Variants in KIF5A observed in about 807,000 individuals in gnomAD.
The protein encoded by KIF5A is kinesin heavy chain isoform 5A.
In KIF5A, 35 loss-of-function variants were observed where a neutral mutation model predicts 141.3. That is an observed-to-expected ratio of 0.25 (90% CI 0.19 to 0.33). KIF5A has a LOEUF of 0.33. Ranked by LOEUF, KIF5A falls within the 10% of genes least tolerant of loss-of-function variation. The pLI is 1.00. For missense variants in KIF5A, 861 were observed against 1,314.3 expected, an observed-to-expected ratio of 0.66 and a Z score of 5.33; for synonymous variants, 448 against 500.2, an observed-to-expected ratio of 0.90 and a Z score of 1.39.
rs756733312 is a variant in KIF5A, at chr12:57,572,871, G to A, written c.1716+145G>A. 32 of 1,016,994 alleles carry A rather than the reference G, an allele frequency of 3.1e-5. No individual in the cohort carries two copies. In the East Asian group the frequency reaches 7.6e-4, roughly 24 times the overall value. The allele number at this position is 1,016,994 out of a possible 1,614,324, so 63.0% of individuals were successfully genotyped here. On this transcript the variant is annotated intron_variant, in intron 15 of 28. Transcript: ENST00000455537. The surrounding 1 kb of genome is among the most constrained non-coding windows in gnomAD (Gnocchi z 4.2). ...TGAACTAGACCCAGGAAGACAGGTAGAGGCTTGTATAGACCCAATTGAAAA... is the reference window on the plus strand; with the variant it reads ...TGAACTAGACCCAGGAAGACAGGTAAAGGCTTGTATAGACCCAATTGAAAA...
At chr12:57,567,305 A>G in intron 7 of KIF5A, 92 bp downstream of exon 7, 1 of 1,279,374 alleles carries the variant, frequency 7.8e-7, no homozygotes, top group South Asian at 1.2e-5. Flanking sequence ...TGAGCAAGGA[A>G]ACTGTACCCC....
chr12:57,578,344 T>A lies in KIF5A; in HGVS notation c.2538+2T>A. On this transcript the variant is annotated splice_donor_variant, in intron 23 of 28. Coordinates refer to ENST00000455537, the MANE Select transcript of KIF5A (RefSeq NM_004984.4). LOFTEE classifies it high-confidence loss of function. The stretch of plus-strand genomic sequence containing the variant: ...CAGCTTACAAAGGTTCACAAACAGG[T>A]AAGAGTCTGCTGAAGGAGTGAAGAG... The A allele has an allele frequency of 6.2e-7, 1 of 1,605,704 alleles. No individual in the cohort carries two copies.
chr12:57,564,031 G>C, intron 3 of KIF5A, 77 bp from the exon 4 acceptor site: 1 of 999,456 alleles, frequency 1.0e-6, no homozygotes, highest in Non-Finnish European at 1.6e-6. Flanking sequence ...TCTTGCCTTG[G>C]TGTTCACCTG....
At position 57,578,098 on chromosome 12, in the gene KIF5A, G is replaced by A. The variant is rs1594924065; in HGVS notation, c.2433+18G>A. The stretch of plus-strand genomic sequence containing the variant: ...TCAAGAAAGTGAGTGCTGTCCTTGG[G>A]GTTTTGTCAGCCCCCACATCCTCCT... On this transcript the variant is annotated intron_variant, in intron 22 of 28. Coordinates refer to ENST00000455537, the MANE Select transcript of KIF5A (RefSeq NM_004984.4). The A allele has an allele frequency of 1.2e-6, 2 of 1,609,120 alleles. No individual in the cohort carries two copies. Among genetic ancestry groups the A allele is most frequent in the African/African-American group, 1.3e-5 (1 of 74,908 alleles).
Position 57,572,311 on chromosome 12 carries a change from C to T in KIF5A, c.1569+44C>T, listed in dbSNP as rs775440202. On this transcript the variant is annotated intron_variant, in intron 14 of 28. Transcript: ENST00000455537. The surrounding 1 kb of genome is among the most constrained non-coding windows in gnomAD (Gnocchi z 4.2). ...GTCCAACAGCTCCCTGACCACAGAA[C>T]ATCTCCCATGTCGAGGGGACCTCTG... is the stretch of plus-strand genomic sequence containing the variant. 11 of 1,541,180 alleles carry T rather than the reference C, an allele frequency of 7.1e-6. No homozygotes were observed. In the South Asian group the frequency reaches 1.3e-4, roughly 18 times the overall value.
intron 17 of KIF5A, 52 bp downstream of exon 17, chr12:57,575,809 A>G (rs1882406296): frequency 1.6e-6 from 2 of 1,282,996 alleles, no homozygotes; most frequent in African/African-American, 1.5e-5. Context: ...AAAGTCAGAA[A>G]CATCAAAATA....
Position 57,586,125 on chromosome 12 carries a change from G to A in KIF5A, c.*1944G>A, listed in dbSNP as rs1361803212. On this transcript the variant is annotated 3_prime_UTR_variant, in exon 29 of 29. Transcript: ENST00000455537. The stretch of plus-strand genomic sequence containing the variant: ...CTCATGGAAAAGAGGGCAACGGTGG[G>A]GTAGACAAGCCATGCTGTCTCCAGA... The A allele has an allele frequency of 6.6e-6, 1 of 152,028 alleles. No homozygotes were observed. The highest frequency in any genetic ancestry group is 6.6e-5 in the Admixed American group (1 of 15,266). 9.4% of individuals were successfully genotyped at this position (152,028 alleles called of 1,614,324 possible).
In KIF5A at chr12:57,566,868, C is replaced by T. The variant is rs141016935; in HGVS notation, c.502-258C>T. 0.018 allele frequency among the ~76,000 whole-genome samples: 2,658 copies of T among 151,614 alleles called. 38 individuals are homozygous for T. Among genetic ancestry groups the T allele is most frequent in the Admixed American group, 0.028 (427 of 15,256 alleles). ...CAGCCTGACCAACATGGTGAAACCC[C>T]GTCTCTACTAAAAATACAAAAATTA... On this transcript the variant is annotated intron_variant, in intron 6 of 28. Transcript: ENST00000455537.
rs1165299339 is a variant in KIF5A at position 57,550,586 on chromosome 12, G to A, written c.129+186G>A. ...CTGGGTGTGGCCTGGCCAGGCCAGCGGCCGAGTCTCTGCAGAGTGGCAGGG... is the reference window on the plus strand; with the variant it reads ...CTGGGTGTGGCCTGGCCAGGCCAGCAGCCGAGTCTCTGCAGAGTGGCAGGG... On this transcript the variant is annotated intron_variant, in intron 1 of 28. Transcript: ENST00000455537. The surrounding 1 kb of genome is among the most constrained non-coding windows in gnomAD (Gnocchi z 4.6). 6.6e-6 allele frequency among the ~76,000 whole-genome samples: 1 copy of A among 152,162 alleles called. No homozygotes were observed. Among genetic ancestry groups the A allele is most frequent in the African/African-American group, 2.4e-5 (1 of 41,432 alleles).
Position 57,559,207 on chromosome 12 carries a change from C to A in KIF5A, c.130-4232C>A, listed in dbSNP as rs117022050. On this transcript the variant is annotated intron_variant, in intron 1 of 28. Transcript: ENST00000455537. ...TGTATAAATATTTTTTGCATATGTG[C>A]AGTATGTCTACAGGATAAATTTTTC... Among the ~76,000 whole-genome samples the A allele has an allele frequency of 5.8e-3, 889 of 152,246 alleles. 4 individuals carry two copies. The highest frequency in any genetic ancestry group is 0.011 in the Admixed American group (171 of 15,280).
chr12:57,579,697 C>T (rs535586175), intron 23 of KIF5A, among the ~76,000 whole-genome samples: 4 of 152,230 alleles, frequency 2.6e-5, no homozygotes, highest in East Asian at 1.9e-4. Context: ...TTTTCATTCC[C>T]GCATTCACTT....
chr12:57,581,067 G>A lies in KIF5A; in HGVS notation c.2650G>A (p.Glu884Lys). Residue 884 changes from glutamate to lysine, a missense_variant, in exon 24 of 29, where the codon GAG becomes AAG. By Grantham distance (56) the Glu-to-Lys change is moderately conservative. Transcript: ENST00000455537. ...ALEGALKEAK[E>K]GAMKDKRRYQ... is the part of the protein sequence containing the mutation. ...GGAGGGTGCACTGAAGGAGGCCAAG[G>A]AGGGCGCCATGAAGGACAAGCGCCG... The A allele has an allele frequency of 6.2e-7, 1 of 1,614,124 alleles. No individual in the cohort carries two copies. Among genetic ancestry groups the A allele is most frequent in the Admixed American group, 1.7e-5 (1 of 60,010 alleles).
chr12:57,563,711 G>A lies in KIF5A; in HGVS notation c.291+18G>A. ...CCATGGAGGTGAGGGTTCTGGCTTTGGTGGTTGAGGGGCTAGGAGTGTTAA... is the reference window on the plus strand; with the variant it reads ...CCATGGAGGTGAGGGTTCTGGCTTTAGTGGTTGAGGGGCTAGGAGTGTTAA... On this transcript the variant is annotated intron_variant, in intron 3 of 28. Transcript: ENST00000455537. 1 of 1,603,778 alleles carries A rather than the reference G, an allele frequency of 6.2e-7. No individual in the cohort carries two copies. The highest frequency in any genetic ancestry group is 8.5e-7 in the Non-Finnish European group (1 of 1,170,610).
intron 17 of KIF5A, 56 bp downstream of exon 17, chr12:57,575,813 C>A: frequency 8.3e-7 from 1 of 1,212,000 alleles, no homozygotes; most frequent in Non-Finnish European, 1.2e-6. Context: ...TCAGAAACAT[C>A]AAAATAAATC....
rs1457728758 is a variant in KIF5A at position 57,577,771 on chromosome 12, G to A, written c.2359G>A (p.Val787Ile). ...KQDLKGLEET[V>I]ARELQTLHNL... ...GGACCTCAAGGGTCTGGAGGAGACAGTTGTGAGTGGTTCCCTTCTGTGCCA... is the reference window on the plus strand; with the variant it reads ...GGACCTCAAGGGTCTGGAGGAGACAATTGTGAGTGGTTCCCTTCTGTGCCA... Residue 787 changes from valine (V) to isoleucine (I), a missense_variant and splice_region_variant, in exon 21 of 29, where the codon GTT (valine) becomes ATT (isoleucine). Around this residue, in one of 5 missense-constraint regions of KIF5A, gnomAD observed 482 missense variants for 661.3 expected, o/e 0.73. Coordinates refer to ENST00000455537, the MANE Select transcript of KIF5A (RefSeq NM_004984.4). The A allele has an allele frequency of 1.2e-6, 2 of 1,612,560 alleles. No homozygotes were observed. The highest frequency in any genetic ancestry group is 1.7e-5 in the Admixed American group (1 of 60,008).
Position 57,572,982 on chromosome 12 carries a change from G to A in KIF5A, c.1716+256G>A, listed in dbSNP as rs2140165837. On this transcript the variant is annotated intron_variant, in intron 15 of 28. Coordinates refer to ENST00000455537, the MANE Select transcript of KIF5A (RefSeq NM_004984.4). The surrounding 1 kb of genome is among the most constrained non-coding windows in gnomAD (Gnocchi z 4.2). ...AGGCAGGCGGATCACTTGAGGTCAG[G>A]AGTTCGAGACCTGACCTCGCCAACA... Among the ~76,000 whole-genome samples, 1 of 152,348 alleles carries A rather than the reference G, an allele frequency of 6.6e-6. No individual in the cohort carries two copies. Among genetic ancestry groups the A allele is most frequent in the Middle Eastern group, 3.4e-3 (1 of 294 alleles).
intron 7 of KIF5A, 110 bp from the exon 8 acceptor site, chr12:57,567,384 G>C: frequency 1.4e-6 from 2 of 1,441,028 alleles, no homozygotes; most frequent in Non-Finnish European, 9.6e-7. Context: ...GGCTAGTCCT[G>C]GTGGGCACCT....
chr12:57,567,317 C>A, intron 7 of KIF5A, 104 bp downstream of exon 7: 2 of 1,254,718 alleles, frequency 1.6e-6, no homozygotes, highest in Non-Finnish European at 2.3e-6. Context: ...CTGTACCCCC[C>A]AGAGGAGGAG....
intron 6 of KIF5A, among the ~76,000 whole-genome samples, chr12:57,566,739 G>C (rs955545895): frequency 1.5e-4 from 23 of 149,456 alleles, no homozygotes; most frequent in Non-Finnish European, 3.1e-4. Context: ...TAGTAAATAC[G>C]TAAGATAAAA....
Sources: gnomAD v4.1 joint callset for allele counts (sites outside exome capture counted in the v4.1 genomes callset) on GRCh38, gnomAD v4.1.1 for gene constraint, gnomAD v4.1.1 regional missense constraint, Gnocchi (gnomAD v3.1) non-coding constraint, MANE v1.5 for transcripts, NCBI Gene and HGNC (gene_info 2026-07-23, HGNC 2026-07-21) for gene names.